The following CCL25 variants were observed in gnomAD, a reference collection of about 807,000 sequenced individuals.
CCL25 encodes C-C motif chemokine ligand 25.
Under a neutral mutation model 19.9 loss-of-function variants are expected in CCL25, and 14 were observed. The observed-to-expected ratio is 0.70, with a 90% CI of 0.47 to 1.10. The LOEUF (loss-of-function observed/expected upper bound fraction) is 1.10. Ranked by LOEUF, CCL25 falls within the 50% of genes least tolerant of loss-of-function variation. The pLI is 0.00. For synonymous variants in CCL25, 68 were observed against 73.2 expected (o/e 0.93, Z 0.36); for missense variants, 151 against 181.2 (o/e 0.83, Z 0.96).
chr19:8,062,331 C>A lies in CCL25; in HGVS notation c.*106C>A. On this transcript the variant is annotated 3_prime_UTR_variant, in exon 6 of 6. Coordinates refer to ENST00000315626, the MANE Select transcript of CCL25 (RefSeq NM_005624.4). The stretch of plus-strand genomic sequence containing the variant: ...GTCCCCACGCCTCTGTCTTTTGGGT[C>A]AAGTCTTAATCCCTGCACCTGAGTT... 2 of 1,295,700 alleles carry A rather than the reference C, an allele frequency of 1.5e-6. No individual in the cohort carries two copies. Among genetic ancestry groups the A allele is most frequent in the South Asian group, 1.2e-5 (1 of 83,628 alleles). The allele number at this position is 1,295,700 out of a possible 1,614,324, so 80.3% of individuals were successfully genotyped here.
rs2081242712 is a variant in CCL25, at chr19:8,052,995, C to T, written c.-50-5C>T. ...AGTCCTTACCACTTCCCTCCACGAC[C>T]CCAGGTGGCCCCGTTATTCGTCCAG... On this transcript the variant is annotated splice_region_variant and splice_polypyrimidine_tract_variant and intron_variant, in intron 1 of 5. Coordinates refer to ENST00000315626, the MANE Select transcript of CCL25 (RefSeq NM_005624.4). The T allele has an allele frequency of 6.1e-6, 8 of 1,309,316 alleles. No homozygotes were observed. The allele number at this position is 1,309,316 out of a possible 1,614,324, so 81.1% of individuals were successfully genotyped here. A position where few individuals can be genotyped will look rare whatever the true frequency, so the allele number is the denominator to read the frequency against.
chr19:8,053,009 T>C lies in CCL25; in HGVS notation c.-41T>C, dbSNP rs375336608. 8.1e-5 allele frequency: 120 copies of C among 1,475,830 alleles called. No homozygotes were observed. Among genetic ancestry groups the C allele is most frequent in the Non-Finnish European group, 1.1e-4 (115 of 1,084,458 alleles). The allele number at this position is 1,475,830 out of a possible 1,614,324, so 91.4% of individuals were successfully genotyped here. A position where few individuals can be genotyped will look rare whatever the true frequency, so the allele number is the denominator to read the frequency against. On this transcript the variant is annotated 5_prime_UTR_variant, in exon 2 of 6. Transcript: ENST00000315626. ...CCCTCCACGACCCCAGGTGGCCCCG[T>C]TATTCGTCCAGGTGCCCAGGGAGGA...
intron 2 of CCL25, among the ~76,000 whole-genome samples, chr19:8,055,283 T>TG (rs1257472682): frequency 1.5e-3 from 86 of 57,172 alleles, no homozygotes; most frequent in African/African-American, 6.6e-3. Flanking sequence ...AGTGAGACTC[T>TG]GGAAAAAAAA....
Position 8,056,123 on chromosome 19 carries a change from C to T in CCL25, c.74-29C>T, listed in dbSNP as rs745578043. 1.1e-5 allele frequency: 16 copies of T among 1,433,258 alleles called. No homozygotes were observed. In the East Asian group the frequency reaches 1.6e-4, roughly 14 times the overall value. The allele number at this position is 1,433,258 out of a possible 1,614,324, so 88.8% of individuals were successfully genotyped here. ...CCTGCCAAGTTAACATGCAAGGGTGCGAGTATCTGGGCGGCTGTGTGGTTG... is the reference window on the plus strand; with the variant it reads ...CCTGCCAAGTTAACATGCAAGGGTGTGAGTATCTGGGCGGCTGTGTGGTTG... On this transcript the variant is annotated intron_variant, in intron 2 of 5. Transcript: ENST00000315626.
At chr19:8,053,414 G>A (rs1379954089) in intron 2 of CCL25, among the ~76,000 whole-genome samples, 1 of 152,102 alleles carries the variant, frequency 6.6e-6, no homozygotes, top group African/African-American at 2.4e-5. Flanking sequence ...TTACTGCCAG[G>A]GATGTATTGT....
intron 5 of CCL25, among the ~76,000 whole-genome samples, chr19:8,058,766 C>T (rs1348530441): frequency 6.5e-5 from 9 of 139,438 alleles, no homozygotes; most frequent in African/African-American, 2.1e-4. Flanking sequence ...TCACGCCATT[C>T]TCCTGCCTCA....
chr19:8,058,540 T>C (rs2081291211), intron 5 of CCL25, among the ~76,000 whole-genome samples: 1 of 115,372 alleles, frequency 8.7e-6, no homozygotes, highest in African/African-American at 3.2e-5. Context: ...ATATATAATA[T>C]ATAAATACAT....
At chr19:8,059,387 T>G (rs1232032489) in intron 5 of CCL25, among the ~76,000 whole-genome samples, 1 of 150,704 alleles carries the variant, frequency 6.6e-6, no homozygotes, top group Non-Finnish European at 1.5e-5. Context: ...TTATTAGAGA[T>G]GGGGTTTCGT....
At chr19:8,061,760 G>A (rs774810769) in intron 5 of CCL25, among the ~76,000 whole-genome samples, 142 of 152,112 alleles carry the variant, frequency 9.3e-4, no homozygotes, top group Non-Finnish European at 1.8e-3. Flanking sequence ...TTGGGAGGCC[G>A]AGGTGGGCAG....
intron 2 of CCL25, 50 bp downstream of exon 2, chr19:8,053,172 C>T (rs760273811): frequency 8.5e-7 from 1 of 1,181,692 alleles, no homozygotes; most frequent in Admixed American, 2.4e-5. Flanking sequence ...CCCCATGCCC[C>T]CACCCCACCC....
intron 4 of CCL25, among the ~76,000 whole-genome samples, chr19:8,056,977 G>C (rs2081276869): frequency 6.6e-6 from 1 of 151,954 alleles, no homozygotes; most frequent in African/African-American, 2.4e-5. Context: ...TGAGTAGCTG[G>C]GACTACAGGC....
At chr19:8,060,111 A>T (rs1007178141) in intron 5 of CCL25, among the ~76,000 whole-genome samples, 1 of 151,850 alleles carries the variant, frequency 6.6e-6, no homozygotes, top group African/African-American at 2.4e-5. Context: ...TAAATAATAA[A>T]AAAATTGAGC....
chr19:8,055,244 GAGCCA>G (rs1450788169), intron 2 of CCL25, among the ~76,000 whole-genome samples: 4 of 123,016 alleles, frequency 3.3e-5, no homozygotes, highest in Non-Finnish European at 6.8e-5. Flanking sequence ...AGCTGAAATT[GAGCCA>G]CTGCACTCCA....
intron 5 of CCL25, among the ~76,000 whole-genome samples, chr19:8,060,727 C>T (rs1286226018): frequency 6.6e-6 from 1 of 151,238 alleles, no homozygotes; most frequent in East Asian, 1.9e-4. Context: ...GTCACCCAGG[C>T]TGGAGTGCAG....
intron 4 of CCL25, among the ~76,000 whole-genome samples, chr19:8,057,313 C>A (rs527680553): frequency 6.6e-6 from 1 of 150,606 alleles, no homozygotes; most frequent in Non-Finnish European, 1.5e-5. Context: ...AACCACCATG[C>A]CTGGCTCCAG....
At chr19:8,059,957 CAGGCATCTGT>C (rs2081306462) in intron 5 of CCL25, among the ~76,000 whole-genome samples, 1 of 151,970 alleles carries the variant, frequency 6.6e-6, no homozygotes, top group Non-Finnish European at 1.5e-5. Context: ...GGCGTGGTGG[CAGGCATCTGT>C]AGTCCCAGTT....
At chr19:8,058,970 T>C (rs1291751695) in intron 5 of CCL25, among the ~76,000 whole-genome samples, 5 of 129,698 alleles carry the variant, frequency 3.9e-5, no homozygotes, top group African/African-American at 8.4e-5. Context: ...AATATATAAA[T>C]ATATAATATA....
At chr19:8,062,122 AG>A (rs1456571308) in intron 5 of CCL25, 95 bp from the exon 6 acceptor site, 5 of 1,151,720 alleles carry the variant, frequency 4.3e-6, no homozygotes, top group Non-Finnish European at 6.5e-6. Context: ...CAAGGGTTTT[AG>A]GAGCTGTAGG....
At chr19:8,059,076 ATATATATAATATATAT>A (rs2081297408) in intron 5 of CCL25, among the ~76,000 whole-genome samples, 1 of 35,054 alleles carries the variant, frequency 2.9e-5, no homozygotes, top group Non-Finnish European at 7.5e-5. Flanking sequence ...ATAATATATA[ATATATATAATATATAT>A]AATGTATATA....
Sources: gnomAD v4.1 joint callset for allele counts (sites outside exome capture counted in the v4.1 genomes callset) on GRCh38, gnomAD v4.1.1 for gene constraint, MANE v1.5 for transcripts, NCBI Gene and HGNC (gene_info 2026-07-23, HGNC 2026-07-21) for gene names.